Variants in PTPRD observed in about 807,000 individuals in gnomAD.
The protein encoded by PTPRD is protein tyrosine phosphatase receptor type D, also known as receptor-type tyrosine-protein phosphatase delta.
PTPRD carries 34 observed loss-of-function variants against 214.5 expected under a neutral mutation model. The ratio of observed to expected loss-of-function variants is 0.16; its 90% CI spans 0.12 to 0.21. The LOEUF is 0.21. Among genes scored for constraint, PTPRD ranks in the 10% least tolerant of loss-of-function variants. The pLI is 1.00. For synonymous variants in PTPRD, 1,128 were observed against 845.7 expected, an observed-to-expected ratio of 1.33 and a Z score of -5.79; for missense variants, 2,545 against 2,398.7, an observed-to-expected ratio of 1.06 and a Z score of -1.27.
chr9:10,259,071 G>C (rs951285727), intron 3 of PTPRD, among the ~76,000 whole-genome samples: 1 of 151,980 alleles, frequency 6.6e-6, no homozygotes, highest in African/African-American at 2.4e-5. Flanking sequence ...CGCCCAGGCT[G>C]GAGTGCAGTG....
At chr9:10,586,310 T>G (rs544393029) in intron 2 of PTPRD, among the ~76,000 whole-genome samples, 3 of 152,130 alleles carry the variant, frequency 2.0e-5, no homozygotes, top group African/African-American at 7.2e-5. Context: ...CTTTGTAACC[T>G]TTACAAAGAT....
intron 7 of PTPRD, among the ~76,000 whole-genome samples, chr9:9,672,455 A>C (rs907444010): frequency 1.3e-5 from 2 of 152,122 alleles, no homozygotes; most frequent in Non-Finnish European, 2.9e-5. Flanking sequence ...CAATCCTATA[A>C]AAATACATGA....
At chr9:8,502,848 GTATATATATA>G (rs556444172) in intron 23 of PTPRD, among the ~76,000 whole-genome samples, 4 of 147,100 alleles carry the variant, frequency 2.7e-5, no homozygotes, top group Non-Finnish European at 4.5e-5. Flanking sequence ...ATGTGTGTGT[GTATATATATA>G]TATATACACA....
chr9:9,836,019 G>C (rs181496358), intron 5 of PTPRD, among the ~76,000 whole-genome samples: 7 of 152,250 alleles, frequency 4.6e-5, no homozygotes, highest in African/African-American at 1.7e-4. Flanking sequence ...AATTCTTCTA[G>C]TACAAGGAAC....
At chr9:10,466,035 C>G (rs1566247769) in intron 2 of PTPRD, among the ~76,000 whole-genome samples, 3 of 152,118 alleles carry the variant, frequency 2.0e-5, no homozygotes, top group Admixed American at 1.3e-4. Flanking sequence ...ATGAGCGAAA[C>G]TAAAAATAGC....
intron 2 of PTPRD, among the ~76,000 whole-genome samples, chr9:10,485,319 T>C (rs4403460): frequency 0.07 from 10,718 of 152,150 alleles, 1,228 homozygotes; most frequent in African/African-American, 0.24. Context: ...TTATTAACTT[T>C]GCCCATCACA....
chr9:10,203,515 T>G (rs990815651), intron 3 of PTPRD, among the ~76,000 whole-genome samples: 16 of 152,092 alleles, frequency 1.1e-4, no homozygotes, highest in African/African-American at 3.4e-4. Flanking sequence ...CATCTATATT[T>G]TAAAAGATTT....
chr9:8,449,496 T>A (rs758337658), intron 34 of PTPRD, among the ~76,000 whole-genome samples: 14 of 152,162 alleles, frequency 9.2e-5, no homozygotes, highest in Non-Finnish European at 1.3e-4. Context: ...CTTCCAAAAT[T>A]TGAAGGATAC....
intron 3 of PTPRD, among the ~76,000 whole-genome samples, chr9:10,281,693 T>A (rs1243154194): frequency 1.3e-5 from 2 of 152,208 alleles, no homozygotes; most frequent in Non-Finnish European, 2.9e-5. Flanking sequence ...ACTAAAATTG[T>A]TGAATCCTTT....
At position 9,625,415 on chromosome 9, in the gene PTPRD, G is replaced by C. The variant is rs1178824393; in HGVS notation, c.-286-50634C>G. On this transcript the variant is annotated intron_variant, in intron 7 of 45. Transcript: ENST00000381196. ...GTGGCTAGGAGTACGTCTTCGCACT[G>C]TATTAATAGCACCAGCGTCTGGGAG... Among the ~76,000 whole-genome samples, 4 of 152,150 alleles carry C rather than the reference G, an allele frequency of 2.6e-5. No homozygotes were observed. In the East Asian group the frequency reaches 7.7e-4, roughly 29 times the overall value.
chr9:8,428,673 T>TTG (rs896436624), intron 35 of PTPRD, among the ~76,000 whole-genome samples: 12 of 151,806 alleles, frequency 7.9e-5, no homozygotes, highest in Admixed American at 3.9e-4. Context: ...CCAAAAAAAA[T>TTG]TGTGTGTGTG....
At chr9:10,096,003 A>G (rs1462749306) in intron 3 of PTPRD, among the ~76,000 whole-genome samples, 1 of 151,542 alleles carries the variant, frequency 6.6e-6, no homozygotes, top group African/African-American at 2.4e-5. Flanking sequence ...TGAATTCTGT[A>G]TATTCCTTTG....
intron 9 of PTPRD, among the ~76,000 whole-genome samples, chr9:9,222,788 T>G (rs968089034): frequency 6.6e-6 from 1 of 152,000 alleles, no homozygotes; most frequent in Non-Finnish European, 1.5e-5. Flanking sequence ...AGTGACATAT[T>G]CCCCATGTAA....
At chr9:9,101,366 G>T (rs2099791124) in intron 10 of PTPRD, among the ~76,000 whole-genome samples, 1 of 152,120 alleles carries the variant, frequency 6.6e-6, no homozygotes, top group South Asian at 2.1e-4. Flanking sequence ...TGATGTTCTT[G>T]AATGAACAGT....
At chr9:9,876,059 G>C (rs79567232) in intron 5 of PTPRD, among the ~76,000 whole-genome samples, 39 of 152,176 alleles carry the variant, frequency 2.6e-4, no homozygotes, top group Middle Eastern at 3.4e-3. Flanking sequence ...AAGGAATAAA[G>C]GATAGTTGGA....
chr9:8,477,893 C>G (rs1055478575), intron 30 of PTPRD, among the ~76,000 whole-genome samples: 1 of 152,226 alleles, frequency 6.6e-6, no homozygotes, highest in Non-Finnish European at 1.5e-5. Flanking sequence ...TGGAGCCAGA[C>G]TGCCTGGATT....
chr9:8,413,833 T>C (rs1390017308), intron 35 of PTPRD, among the ~76,000 whole-genome samples: 2 of 152,170 alleles, frequency 1.3e-5, no homozygotes, highest in African/African-American at 4.8e-5. Context: ...ACTAAAAGAT[T>C]ACTCTCAAAG....
intron 8 of PTPRD, among the ~76,000 whole-genome samples, chr9:9,566,506 T>C (rs2084579935): frequency 6.6e-6 from 1 of 151,990 alleles, no homozygotes; most frequent in Non-Finnish European, 1.5e-5. Flanking sequence ...GGAAAAACAA[T>C]GTAATTCTTG....
rs1555566891 is a variant in PTPRD, at chr9:10,082,840, A to ACACACAAAC, written c.-544-49051_-544-49050insGTTTGTGTG. Reference sequence around the variant, plus strand: ...ACACACACACACACACACACACACAAACACACACACACACACACACACACC... The same window carrying ACACACAAAC: ...ACACACACACACACACACACACACAACACACAAACACACACACACACACACACACACACC... On this transcript the variant is annotated intron_variant, in intron 3 of 45. Transcript: ENST00000381196. Among the ~76,000 whole-genome samples, 476 of 128,280 alleles carry ACACACAAAC rather than the reference A, an allele frequency of 3.7e-3. 4 individuals are homozygous for ACACACAAAC. Among genetic ancestry groups the ACACACAAAC allele is most frequent in the African/African-American group, 0.013 (459 of 34,616 alleles). 84.2% of individuals were successfully genotyped at this position (128,280 alleles called of 152,430 possible). A position where few individuals can be genotyped will look rare whatever the true frequency, so the allele number is the denominator to read the frequency against.
Sources: gnomAD v4.1 joint callset for allele counts (sites outside exome capture counted in the v4.1 genomes callset) on GRCh38, gnomAD v4.1.1 for gene constraint, MANE v1.5 for transcripts, NCBI Gene and HGNC (gene_info 2026-07-23, HGNC 2026-07-21) for gene names.